The following ADRA1B variants were observed in gnomAD, a reference collection of about 807,000 sequenced individuals.
ADRA1B encodes the protein alpha-1B adrenergic receptor.
Under a neutral mutation model 17.9 loss-of-function variants are expected in ADRA1B, and 17 were observed. The observed-to-expected ratio is 0.95, with a 90% CI of 0.65 to 1.42. The LOEUF is 1.42. Ranked by LOEUF, ADRA1B falls within the 40% of genes most tolerant of loss-of-function variation. The pLI, the probability that ADRA1B is intolerant of heterozygous loss-of-function variation, is 0.00. For missense variants in ADRA1B, 681 were observed against 722.1 expected (o/e 0.94, Z 0.65); for synonymous variants, 366 against 327.6 (o/e 1.12, Z -1.27).
intron 1 of ADRA1B, among the ~76,000 whole-genome samples, chr5:159,876,865 A>G (rs1220033494): frequency 1.3e-5 from 2 of 152,118 alleles, no homozygotes; most frequent in Admixed American, 1.3e-4. Context: ...TTTTGTTATG[A>G]ACTCTACCAC....
intron 1 of ADRA1B, chr5:159,948,282 CA>C (rs1295690177): frequency 2.8e-5 from 28 of 985,446 alleles, no homozygotes; most frequent in Non-Finnish European, 3.4e-5. Flanking sequence ...CCTTTTCACA[CA>C]TGCTATGCAC....
intron 1 of ADRA1B, among the ~76,000 whole-genome samples, chr5:159,939,320 TGTGC>T (rs1172234361): frequency 1.1e-4 from 12 of 108,176 alleles, no homozygotes; most frequent in African/African-American, 2.4e-4. Context: ...TGTGTGTGTG[TGTGC>T]GCGCGCGCGC....
chr5:159,980,489 T>C, the ADRA1B span, among the ~76,000 whole-genome samples: 1 of 152,062 alleles, frequency 6.6e-6, no homozygotes, highest in Non-Finnish European at 1.5e-5. Context: ...AAAACATAGC[T>C]CAGATGAGTA....
At chr5:159,989,097 C>T in the ADRA1B span, among the ~76,000 whole-genome samples, 2 of 152,224 alleles carry the variant, frequency 1.3e-5, no homozygotes, top group African/African-American at 2.4e-5. Flanking sequence ...TTCCCACCAA[C>T]AGTGCACAGG....
chr5:159,866,999 A>G (rs949595302), intron 1 of ADRA1B: 5 of 152,252 alleles, frequency 3.3e-5, no homozygotes, highest in African/African-American at 1.2e-4. Context: ...GATCTACTTC[A>G]TAATTTCTCC....
intron 1 of ADRA1B, among the ~76,000 whole-genome samples, chr5:159,872,676 G>A (rs1463042534): frequency 6.6e-6 from 1 of 152,068 alleles, no homozygotes; most frequent in African/African-American, 2.4e-5. Flanking sequence ...TGCTTTGTCT[G>A]ACTGCTTGGT....
chr5:159,930,792 A>C (rs1488302138), intron 1 of ADRA1B, among the ~76,000 whole-genome samples: 1 of 152,016 alleles, frequency 6.6e-6, no homozygotes, highest in African/African-American at 2.4e-5. Context: ...ATTATTTCAC[A>C]TGGTGCAATA....
At chr5:159,927,381 GCACACACACA>G (rs59807316) in intron 1 of ADRA1B, among the ~76,000 whole-genome samples, 6 of 140,736 alleles carry the variant, frequency 4.3e-5, no homozygotes, top group South Asian at 2.4e-4. Context: ...ATTAAAACAT[GCACACACACA>G]CACACACACA....
At chr5:159,902,285 T>G (rs1663346789) in intron 1 of ADRA1B, among the ~76,000 whole-genome samples, 1 of 152,174 alleles carries the variant, frequency 6.6e-6, no homozygotes, top group Admixed American at 6.5e-5. Flanking sequence ...AGATAAGTAG[T>G]TGAATTCATA....
chr5:159,934,283 G>T (rs968171727), intron 1 of ADRA1B, among the ~76,000 whole-genome samples: 1 of 152,168 alleles, frequency 6.6e-6, no homozygotes, highest in African/African-American at 2.4e-5. Context: ...CAGGGGCTGG[G>T]TGAACTTTGA....
intron 1 of ADRA1B, among the ~76,000 whole-genome samples, chr5:159,908,736 A>G (rs1343354779): frequency 6.6e-6 from 1 of 152,256 alleles, no homozygotes; most frequent in African/African-American, 2.4e-5. Flanking sequence ...GAGATGACGC[A>G]TATGGATTCA....
At chr5:159,873,512 G>A (rs1455711109) in intron 1 of ADRA1B, among the ~76,000 whole-genome samples, 1 of 152,176 alleles carries the variant, frequency 6.6e-6, no homozygotes. Flanking sequence ...AGCTCACTGA[G>A]GACAACTCTA....
intron 1 of ADRA1B, among the ~76,000 whole-genome samples, chr5:159,909,500 G>C (rs1324592152): frequency 2.6e-5 from 4 of 152,180 alleles, no homozygotes; most frequent in African/African-American, 9.7e-5. Flanking sequence ...GTTTGGTTCA[G>C]AGAGCACAAA....
chr5:159,933,025 T>G (rs1436619525), intron 1 of ADRA1B, among the ~76,000 whole-genome samples: 1 of 152,228 alleles, frequency 6.6e-6, no homozygotes. Context: ...TGTTTTCATG[T>G]TTATAAATAT....
intron 1 of ADRA1B, among the ~76,000 whole-genome samples, chr5:159,941,931 T>TCC (rs1755142026): frequency 2.0e-5 from 3 of 148,188 alleles, no homozygotes; most frequent in Non-Finnish European, 3.0e-5. Context: ...TTTTTTTTTT[T>TCC]TTTTTTTTTG....
chr5:159,962,699 C>G (rs867705897), intron 1 of ADRA1B, among the ~76,000 whole-genome samples: 1 of 135,410 alleles, frequency 7.4e-6, no homozygotes, highest in Middle Eastern at 3.9e-3. Context: ...GAGACAAGGT[C>G]TCGCTCTATT....
chr5:159,914,003 T>C (rs1459197147), upstream of ADRA1B, among the ~76,000 whole-genome samples: 1 of 152,176 alleles, frequency 6.6e-6, no homozygotes, highest in Non-Finnish European at 1.5e-5. Context: ...CCCCATTATC[T>C]TAGACTTAAT....
chr5:159,901,901 G>T (rs1207677087), intron 1 of ADRA1B, among the ~76,000 whole-genome samples: 2 of 152,198 alleles, frequency 1.3e-5, no homozygotes, highest in Non-Finnish European at 2.9e-5. Context: ...CTGTTGGTGG[G>T]ATTGTAAAGT....
chr5:159,939,310 TGTGTGTGTGTGTGCGC>T (rs1266003319), intron 1 of ADRA1B, among the ~76,000 whole-genome samples: 53 of 136,740 alleles, frequency 3.9e-4, no homozygotes, highest in African/African-American at 1.5e-3. Flanking sequence ...TGTGTGTGTG[TGTGTGTGTGTGTGCGC>T]GCGCGCGCGC....
Sources: allele counts gnomAD v4.1 joint callset (sites outside exome capture counted in the v4.1 genomes callset), GRCh38; gene constraint gnomAD v4.1.1; transcripts MANE v1.5; gene names NCBI Gene and HGNC (gene_info 2026-07-23, HGNC 2026-07-21).